The following MICAL1 variants were observed in gnomAD, a reference collection of about 807,000 sequenced individuals.
MICAL1 encodes the protein microtubule associated monooxygenase, calponin and LIM domain containing 1.
A neutral mutation model predicts 131.8 loss-of-function variants in MICAL1; 95 were observed. The observed-to-expected ratio is 0.72, with a 90% CI of 0.61 to 0.86. The LOEUF (loss-of-function observed/expected upper bound fraction) is 0.86, where lower values mean the gene tolerates loss of function less well. Among genes scored for constraint, MICAL1 ranks in the 40% least tolerant of loss-of-function variants. The pLI is 0.00. For synonymous variants in MICAL1, 546 were observed against 554.2 expected (o/e 0.99, Z 0.21); for missense variants, 1,292 against 1,380.6 (o/e 0.94, Z 1.02).
intron 18 of MICAL1, 73 bp downstream of exon 18, chr6:109,446,623 G>A: frequency 6.6e-7 from 1 of 1,515,760 alleles, no homozygotes; most frequent in Non-Finnish European, 9.1e-7. Flanking sequence ...GTTACCCCCA[G>A]CAAAGCGCTG....
At chr6:109,445,387 T>C in intron 21 of MICAL1, 29 bp downstream of exon 21, 1 of 1,613,636 alleles carries the variant, frequency 6.2e-7, no homozygotes, top group African/African-American at 1.3e-5. Context: ...TTTGACCCCA[T>C]CAGAATTTTG....
At chr6:109,446,441 C>A in intron 18 of MICAL1, 29 bp from the exon 19 acceptor site, 1 of 754,902 alleles carries the variant, frequency 1.3e-6, no homozygotes, top group South Asian at 2.0e-5. Context: ...GGAGTGAGGT[C>A]GGGGGGTGAG....
chr6:109,456,555 G>C (rs1487725119), upstream of MICAL1, among the ~76,000 whole-genome samples: 1 of 152,188 alleles, frequency 6.6e-6, no homozygotes, highest in Non-Finnish European at 1.5e-5. Context: ...GGAATGGGAG[G>C]GGTGTGTGGA....
chr6:109,444,267 T>C lies in MICAL1; in HGVS notation c.3128A>G (p.Gln1043Arg), dbSNP rs866961527. 6.2e-7 allele frequency: 1 copy of C among 1,613,640 alleles called. No homozygotes were observed. Residue 1043 changes from glutamine to arginine, a missense_variant, in exon 25 of 25, where the codon CAG becomes CGG. Coordinates refer to ENST00000358807, the MANE Select transcript of MICAL1 (RefSeq NM_022765.4). The part of the protein sequence containing the change: ...VLRKLVDLVN[Q>R]RDALIRFQEE... The stretch of plus-strand genomic sequence containing the variant: ...CTGGAAGCGGATGAGGGCATCTCTC[T>C]GGTTGACCAAATCCACCAGCTTCCT...
intron 24 of MICAL1, 123 bp downstream of exon 24, chr6:109,444,602 C>T: frequency 8.0e-7 from 1 of 1,248,010 alleles, no homozygotes; most frequent in African/African-American, 1.5e-5. Flanking sequence ...CCTCTGGCTT[C>T]CTCCTGAATT....
At chr6:109,461,994 AG>A (rs1207719912) in intron 1 of MICAL1, among the ~76,000 whole-genome samples, 3 of 151,550 alleles carry the variant, frequency 2.0e-5, no homozygotes, top group Non-Finnish European at 4.4e-5. Flanking sequence ...CCAGTGGTTA[AG>A]GTGTGTCCCA....
At chr6:109,448,570 G>A in intron 12 of MICAL1, 162 bp downstream of exon 12, 3 of 1,289,752 alleles carry the variant, frequency 2.3e-6, no homozygotes, top group Non-Finnish European at 3.3e-6. Context: ...TCCTGGCTTT[G>A]GGGGCCTGTG....
At chr6:109,446,083 A>G in intron 19 of MICAL1, 53 bp downstream of exon 19, 2 of 1,518,486 alleles carry the variant, frequency 1.3e-6, no homozygotes, top group East Asian at 2.3e-5. Flanking sequence ...GCAGGAAGCC[A>G]GTGCTCCCAC....
upstream of MICAL1, among the ~76,000 whole-genome samples, chr6:109,457,164 G>C (rs1306415551): frequency 6.6e-6 from 1 of 152,208 alleles, no homozygotes; most frequent in Admixed American, 6.5e-5. Context: ...GAAGCAGGCA[G>C]TGGGACGAAA....
intron 13 of MICAL1, 60 bp downstream of exon 13, chr6:109,448,133 TCACACACACA>T (rs3054663): frequency 3.9e-3 from 5,471 of 1,389,952 alleles, no homozygotes; most frequent in South Asian, 6.9e-3. Context: ...TCTCCCTCTG[TCACACACACA>T]CACACACACA....
In MICAL1 at chr6:109,449,381, G is replaced by A. The variant is rs747964689; in HGVS notation, c.1516+19C>T. 10 of 1,613,882 alleles carry A rather than the reference G, an allele frequency of 6.2e-6. No homozygotes were observed. The highest frequency in any genetic ancestry group is 8.5e-6 in the Non-Finnish European group (10 of 1,179,868). On this transcript the variant is annotated intron_variant, in intron 11 of 24. Transcript: ENST00000358807. ...GTAGTACATATTTTGGTCACCCCTTGGGAGGAAGGCCTGCTCACCGGTGGC... is the reference window on the plus strand; with the variant it reads ...GTAGTACATATTTTGGTCACCCCTTAGGAGGAAGGCCTGCTCACCGGTGGC...
chr6:109,451,913 G>T (rs1775559838), intron 6 of MICAL1: 13 of 1,390,480 alleles, frequency 9.3e-6, no homozygotes, highest in Non-Finnish European at 1.2e-5. Flanking sequence ...GGGAAGCTTG[G>T]AGGGGGGTGG....
At chr6:109,462,153 G>A (rs1490337703) in intron 1 of MICAL1, among the ~76,000 whole-genome samples, 1 of 152,218 alleles carries the variant, frequency 6.6e-6, no homozygotes, top group Non-Finnish European at 1.5e-5. Context: ...CATTAATGTG[G>A]GCTGATCCCA....
rs142907209 is a variant in MICAL1 at position 109,444,212 on chromosome 6, C to T, written c.3183G>A (p.Leu1061=). 9.2e-5 allele frequency: 149 copies of T among 1,613,394 alleles called. No individual in the cohort carries two copies. Among genetic ancestry groups the T allele is most frequent in the Non-Finnish European group, 1.1e-4 (134 of 1,180,006 alleles). The change falls in exon 25 of 25, where the codon TTG becomes TTA. Residue 1061 remains leucine, a synonymous_variant. Coordinates refer to ENST00000358807, the MANE Select transcript of MICAL1 (RefSeq NM_022765.4). ...QEERRLSELA[L]GTGAQG is the part of the protein sequence containing the mutation. ...TCGTCTAGCCCTGGGCCCCTGTCCC[C>T]AAGGCCAGCTCGCTGAGCCTGCGCT...
At chr6:109,465,885 G>A (rs1776024552) in exon 1 of MICAL1, 5 of 1,614,062 alleles carry the variant, frequency 3.1e-6, no homozygotes, top group African/African-American at 1.3e-5. Context: ...CGTTGGCTGG[G>A]GCACGTGGTG....
chr6:109,444,525 A>T (rs1370049675), intron 24 of MICAL1, among the ~76,000 whole-genome samples, 186 bp from the exon 25 acceptor site: 1 of 152,040 alleles, frequency 6.6e-6, no homozygotes, highest in Non-Finnish European at 1.5e-5. Context: ...TTTGAAGGAG[A>T]TCTTATACAA....
chr6:109,450,512 G>T lies in MICAL1; in HGVS notation c.979C>A (p.Pro327Thr), dbSNP rs116818040. 1,335 of 1,612,720 alleles carry T rather than the reference G, an allele frequency of 8.3e-4. 12 individuals carry two copies. The African/African-American group carries it at 0.015, about 19-fold the overall frequency. Residue 327 changes from proline (P) to threonine (T), a missense_variant, in exon 8 of 25, where the codon CCC becomes ACC. By Grantham distance (38) the Pro-to-Thr change is conservative (BLOSUM62 -1). Coordinates refer to ENST00000358807, the MANE Select transcript of MICAL1 (RefSeq NM_022765.4). Reference sequence around the variant, plus strand: ...CGGGTAAAGCGCTGCAGAGCCTCGGGCACCACATTGGCACTGCCCAGCAGC... The same window carrying T: ...CGGGTAAAGCGCTGCAGAGCCTCGGTCACCACATTGGCACTGCCCAGCAGC... ...NRLLGSANVV[P>T]EALQRFTRAA...
rs746926744 is a variant in MICAL1 at position 109,447,112 on chromosome 6, T to C, written c.2188A>G (p.Thr730Ala). Residue 730 changes from threonine to alanine, a missense_variant, in exon 17 of 25, where the codon ACA becomes GCA. Thr to Ala is a moderately conservative substitution (Grantham distance 58). Transcript: ENST00000358807. ...SCFRCHTCEATLWPGGYEQHP... is the reference protein window; with the variant it reads ...SCFRCHTCEAALWPGGYEQHP... ...TGCTCGTAGCCACCTGGCCACAGTG[T>C]GGCCTCACAGGTATGGCAGCGGAAG... The C allele has an allele frequency of 2.5e-6, 4 of 1,614,142 alleles. No individual in the cohort carries two copies. The South Asian group carries it at 3.3e-5, about 13-fold the overall frequency.
At chr6:109,454,616 G>A (rs113402966) in intron 1 of MICAL1, 1 of 252,040 alleles carries the variant, frequency 4.0e-6, no homozygotes, top group Non-Finnish European at 7.8e-6. Flanking sequence ...GGAGAGGACA[G>A]AGCTGCCTTT....
Sources: allele counts gnomAD v4.1 joint callset (sites outside exome capture counted in the v4.1 genomes callset), GRCh38; gene constraint gnomAD v4.1.1; transcripts MANE v1.5; gene names NCBI Gene and HGNC (gene_info 2026-07-23, HGNC 2026-07-21).